The following SYCE1 variants were observed in gnomAD, a reference collection of about 807,000 sequenced individuals.
The protein encoded by SYCE1 is cancer/testis antigen 76.
A neutral mutation model predicts 55.1 loss-of-function variants in SYCE1; 37 were observed. The observed-to-expected ratio is 0.67, with a 90% CI of 0.52 to 0.88. The LOEUF (loss-of-function observed/expected upper bound fraction) is 0.88. Ranked by LOEUF, SYCE1 falls within the 40% of genes least tolerant of loss-of-function variation. SYCE1 has a pLI of 0.00. For missense variants in SYCE1, 399 were observed against 416.4 expected (o/e 0.96, Z 0.36); for synonymous variants, 163 against 159.4 (o/e 1.02, Z -0.17).
intron 5 of SYCE1, 97 bp downstream of exon 5, chr10:133,558,070 C>G (rs1851731622): frequency 1.9e-6 from 3 of 1,560,694 alleles, no homozygotes; most frequent in Admixed American, 1.7e-5. Flanking sequence ...GAGAGGCAAG[C>G]TGGGACAGGT....
At chr10:133,565,347 TCAG>T (rs1160255718) in intron 1 of SYCE1, 107 bp downstream of exon 1, 3 of 1,001,022 alleles carry the variant, frequency 3.0e-6, no homozygotes, top group African/African-American at 1.7e-5. Context: ...TAAGTCTCAA[TCAG>T]CAGCATCAGG....
At chr10:133,565,610 T>C, upstream of SYCE1, 1 of 1,418,834 alleles carries the variant, frequency 7.0e-7, no homozygotes, top group Non-Finnish European at 9.6e-7. Context: ...GGGGCAGGAC[T>C]CCAGGCAGCG....
intron 4 of SYCE1, 118 bp from the exon 5 acceptor site, chr10:133,558,332 C>T (rs1005106013): frequency 5.4e-6 from 6 of 1,110,642 alleles, no homozygotes; most frequent in Non-Finnish European, 8.1e-6. Context: ...CAAATGTGAA[C>T]CCTTGAGGTG....
Position 133,555,961 on chromosome 10 carries a change from T to G in SYCE1, c.595+20A>C, listed in dbSNP as rs1323458306. 1 of 1,613,942 alleles carries G rather than the reference T, an allele frequency of 6.2e-7. No individual in the cohort carries two copies. Among genetic ancestry groups the G allele is most frequent in the African/African-American group, 1.3e-5 (1 of 74,904 alleles). On this transcript the variant is annotated intron_variant, in intron 9 of 12. Transcript: ENST00000343131. ...GGCACGTGAGGTCAGATATGGGCCA[T>G]CCACCTTCCCTGGTCTCACCTTCCT...
chr10:133,558,485 G>T, intron 4 of SYCE1: 1 of 564,248 alleles, frequency 1.8e-6, no homozygotes, highest in Non-Finnish European at 3.2e-6. Flanking sequence ...CCCACGAAGT[G>T]GGATAAGGGC....
intron 11 of SYCE1, 46 bp from the exon 12 acceptor site, chr10:133,555,484 T>TGGA (rs1424154570): frequency 6.2e-7 from 1 of 1,611,820 alleles, no homozygotes; most frequent in African/African-American, 1.3e-5. Flanking sequence ...GAGGAAAGGG[T>TGGA]GGAGGAGGGA....
chr10:133,564,471 G>A lies in SYCE1; in HGVS notation c.73+986C>T, dbSNP rs1439684693. On this transcript the variant is annotated intron_variant, in intron 1 of 12. Transcript: ENST00000343131. ...AGGCTAGCACACCGGCGGGCCAGCA[G>A]GTGCTTAATGAAAGGGATACGTTTG... 3.1e-6 allele frequency: 3 copies of A among 980,228 alleles called. No individual in the cohort carries two copies. The African/African-American group carries it at 5.3e-5, about 17-fold the overall frequency. The allele number at this position is 980,228 out of a possible 1,614,324, so 60.7% of individuals were successfully genotyped here. A position where few individuals can be genotyped will look rare whatever the true frequency, so the allele number is the denominator to read the frequency against.
intron 12 of SYCE1, 104 bp from the exon 13 acceptor site, chr10:133,555,233 G>A: frequency 1.3e-6 from 2 of 1,557,488 alleles, no homozygotes; most frequent in Non-Finnish European, 1.7e-6. Context: ...TATGGGAAAG[G>A]CCCTCCCCAT....
In SYCE1 at chr10:133,555,862, GCTGATGCTTCACGTCT is replaced by G; in HGVS notation, c.621_636del (p.Glu207AspfsTer43). On this transcript the variant is annotated frameshift_variant, in exon 10 of 13. Coordinates refer to ENST00000343131, the MANE Select transcript of SYCE1 (RefSeq NM_001143764.3). LOFTEE classifies it high-confidence loss of function. Reference sequence around the variant, plus strand: ...CCCTCAGCCCCACACAGGGAGCACAGCTGATGCTTCACGTCTTCCAGTGTCGCCTTGACCAGCTTCT... The same window carrying G: ...CCCTCAGCCCCACACAGGGAGCACAGTCCAGTGTCGCCTTGACCAGCTTCT... The G allele has an allele frequency of 6.2e-7, 1 of 1,614,092 alleles. No homozygotes were observed.
chr10:133,566,030 G>A (rs541348802), upstream of SYCE1, among the ~76,000 whole-genome samples: 112 of 152,348 alleles, frequency 7.4e-4, no homozygotes, highest in African/African-American at 2.5e-3. Flanking sequence ...CCCCCGCTGG[G>A]CCCGCTGTTC....
intron 1 of SYCE1, chr10:133,564,385 T>C (rs748275850): frequency 5.2e-5 from 51 of 985,030 alleles, no homozygotes; most frequent in Admixed American, 6.1e-5. Flanking sequence ...ACAAGCGACA[T>C]TGGTTAAAAC....
rs373497177 is a variant in SYCE1, at chr10:133,555,438, C to T, written c.831G>A (p.Arg277=). 9 of 1,613,724 alleles carry T rather than the reference C, an allele frequency of 5.6e-6. No individual in the cohort carries two copies. Among genetic ancestry groups the T allele is most frequent in the Non-Finnish European group, 7.6e-6 (9 of 1,179,954 alleles). The change falls in exon 12 of 13, where the codon AGG becomes AGA. Residue 277 remains arginine (R), a splice_region_variant and synonymous_variant. Coordinates refer to ENST00000343131, the MANE Select transcript of SYCE1 (RefSeq NM_001143764.3). ...KCQQQQQKRQ[R]LKEELEKHGM... The stretch of plus-strand genomic sequence containing the variant: ...CATGCTTTTCCAGCTCTTCCTTCAG[C>T]CTGGACAGGAAGAGGTAGGATGGGG...
chr10:133,567,899 C>A, upstream of SYCE1: 1 of 507,166 alleles, frequency 2.0e-6, no homozygotes, highest in South Asian at 1.6e-5. Flanking sequence ...GCTGAGGCGG[C>A]GTGGGCAGGC....
intron 2 of SYCE1, chr10:133,559,639 G>A (rs1851775285): frequency 4.3e-6 from 2 of 464,822 alleles, no homozygotes; most frequent in South Asian, 4.7e-5. Flanking sequence ...TGAGATATGG[G>A]AAGGGACCTG....
upstream of SYCE1, among the ~76,000 whole-genome samples, chr10:133,566,547 G>C (rs999499239): frequency 6.8e-5 from 10 of 147,752 alleles, no homozygotes; most frequent in African/African-American, 2.5e-4. Flanking sequence ...GGTTAGGGTT[G>C]GGCTAGGGTC....
chr10:133,565,899 G>A (rs752903722), upstream of SYCE1, among the ~76,000 whole-genome samples: 2 of 152,228 alleles, frequency 1.3e-5, no homozygotes, highest in African/African-American at 2.4e-5. Context: ...TGAAGTGTGC[G>A]TGTCTGACGG....
chr10:133,560,282 A>C, intron 1 of SYCE1, 129 bp from the exon 2 acceptor site: 1 of 683,632 alleles, frequency 1.5e-6, no homozygotes, highest in Non-Finnish European at 2.5e-6. Flanking sequence ...TGAGGTGGAC[A>C]GTACACTAGA....
intron 2 of SYCE1, chr10:133,559,618 G>A (rs1781967629): frequency 2.0e-6 from 1 of 497,138 alleles, no homozygotes. Flanking sequence ...CAAAGGAGTG[G>A]GAAGTGCTCC....
chr10:133,556,548 T>C (rs1328978787), intron 8 of SYCE1: 11 of 612,288 alleles, frequency 1.8e-5, no homozygotes, highest in Non-Finnish European at 2.9e-5. Flanking sequence ...GATGGAAGAC[T>C]TGACCTTGGT....
Sources: gnomAD v4.1 joint callset for allele counts (sites outside exome capture counted in the v4.1 genomes callset) on GRCh38, gnomAD v4.1.1 for gene constraint, MANE v1.5 for transcripts, NCBI Gene and HGNC (gene_info 2026-07-23, HGNC 2026-07-21) for gene names.